ELMO1: variants seen among roughly 807,000 people sequenced by gnomAD.
ELMO1 encodes engulfment and cell motility 1, also known as engulfment and cell motility protein 1.
Under a neutral mutation model 98.9 loss-of-function variants are expected in ELMO1, and 26 were observed. The observed-to-expected ratio is 0.26, with a 90% CI of 0.19 to 0.36. ELMO1 has a LOEUF of 0.36. Among genes scored for constraint, ELMO1 ranks in the 10% least tolerant of loss-of-function variants. The pLI is 1.00. For synonymous variants in ELMO1, 346 were observed against 346.0 expected (o/e 1.00, Z 0.00); for missense variants, 627 against 935.2 (o/e 0.67, Z 4.30).
chr7:36,951,743 C>T (rs565350018), intron 16 of ELMO1, among the ~76,000 whole-genome samples: 1 of 152,328 alleles, frequency 6.6e-6, no homozygotes, highest in South Asian at 2.1e-4. Context: ...GTTGACTTCA[C>T]AGCACTTCTT....
At chr7:37,235,087 C>T (rs1362474403) in intron 7 of ELMO1, among the ~76,000 whole-genome samples, 1 of 152,118 alleles carries the variant, frequency 6.6e-6, no homozygotes, top group African/African-American at 2.4e-5. Flanking sequence ...CCAGACAACA[C>T]AAACTTATTT....
At chr7:37,442,065 G>A (rs1367545973) in intron 1 of ELMO1, among the ~76,000 whole-genome samples, 1 of 152,122 alleles carries the variant, frequency 6.6e-6, no homozygotes, top group African/African-American at 2.4e-5. Flanking sequence ...AAAATTGATA[G>A]GACAATCTGC....
At chr7:37,103,083 C>T (rs1784726151) in intron 14 of ELMO1, among the ~76,000 whole-genome samples, 1 of 152,144 alleles carries the variant, frequency 6.6e-6, no homozygotes, top group Non-Finnish European at 1.5e-5. Flanking sequence ...AATGGGAAAG[C>T]AAAATGGAAG....
chr7:37,397,271 TTTC>T (rs1357714985), intron 1 of ELMO1, among the ~76,000 whole-genome samples: 28 of 152,382 alleles, frequency 1.8e-4, no homozygotes, highest in African/African-American at 6.3e-4. Flanking sequence ...GTCATTTCCC[TTTC>T]TTCTCTTTTG....
chr7:37,244,550 A>C (rs148410359), intron 6 of ELMO1, among the ~76,000 whole-genome samples, 159 bp from the exon 7 acceptor site: 66 of 152,344 alleles, frequency 4.3e-4, no homozygotes, highest in South Asian at 2.3e-3. Context: ...ATTCAAAGTA[A>C]TAAACTGGTG....
chr7:37,279,746 C>A (rs1797043758), intron 4 of ELMO1, among the ~76,000 whole-genome samples: 1 of 152,172 alleles, frequency 6.6e-6, no homozygotes, highest in Non-Finnish European at 1.5e-5. Context: ...GGGAGGGTGG[C>A]CAGTGGAGCA....
At chr7:37,055,312 T>A (rs948458116) in intron 15 of ELMO1, among the ~76,000 whole-genome samples, 13 of 152,186 alleles carry the variant, frequency 8.5e-5, no homozygotes, top group African/African-American at 3.1e-4. Context: ...TCTAACAACT[T>A]AGGAGTCCTG....
intron 1 of ELMO1, among the ~76,000 whole-genome samples, chr7:37,423,115 G>A (rs942121733): frequency 6.6e-6 from 1 of 152,182 alleles, no homozygotes; most frequent in African/African-American, 2.4e-5. Flanking sequence ...TGTCTTCTGT[G>A]TTACAGGTTA....
intron 1 of ELMO1, among the ~76,000 whole-genome samples, chr7:37,384,048 C>T (rs963654393): frequency 3.3e-5 from 5 of 152,286 alleles, no homozygotes; most frequent in African/African-American, 1.2e-4. Context: ...ATCTCCTGAC[C>T]TCGTGATCCA....
intron 1 of ELMO1, among the ~76,000 whole-genome samples, chr7:37,376,180 C>A (rs1802336875): frequency 6.6e-6 from 1 of 152,186 alleles, no homozygotes. Context: ...TACCTTTGAT[C>A]ACAGACCTGA....
intron 1 of ELMO1, among the ~76,000 whole-genome samples, chr7:37,418,530 G>A (rs1349176140): frequency 2.0e-5 from 3 of 152,188 alleles, no homozygotes; most frequent in Non-Finnish European, 4.4e-5. Flanking sequence ...ATCTGCCCAG[G>A]CCCCTGGGGT....
intron 16 of ELMO1, among the ~76,000 whole-genome samples, chr7:36,931,498 G>C (rs1786032360): frequency 6.6e-6 from 1 of 152,220 alleles, no homozygotes; most frequent in African/African-American, 2.4e-5. Context: ...CTACTGGGGA[G>C]GTTGAGGCGT....
chr7:36,853,310 C>T lies in ELMO1; in HGVS notation c.*2241G>A, dbSNP rs922024468. ...GCTGGAGTGCCAGAAGAGAGAGGGG[C>T]TGGATCTCCCCAACCAAGGTCACAG... On this transcript the variant is annotated 3_prime_UTR_variant, in exon 22 of 22. Transcript: ENST00000310758. Among the ~76,000 whole-genome samples the T allele has an allele frequency of 4.6e-5, 7 of 152,178 alleles. No individual in the cohort carries two copies. Among genetic ancestry groups the T allele is most frequent in the African/African-American group, 1.7e-4 (7 of 41,444 alleles).
intron 10 of ELMO1, among the ~76,000 whole-genome samples, chr7:37,218,061 T>C (rs1409206085): frequency 1.3e-5 from 2 of 152,216 alleles, no homozygotes; most frequent in Admixed American, 6.5e-5. Context: ...CAGGGCTTTC[T>C]TGCTGATCTT....
At chr7:36,949,911 C>T (rs1258833226) in intron 16 of ELMO1, among the ~76,000 whole-genome samples, 2 of 152,212 alleles carry the variant, frequency 1.3e-5, no homozygotes, top group Non-Finnish European at 2.9e-5. Flanking sequence ...ACAATGCAAA[C>T]ATCTTTCCAA....
At chr7:37,415,632 C>T (rs560763046) in intron 1 of ELMO1, among the ~76,000 whole-genome samples, 3 of 152,144 alleles carry the variant, frequency 2.0e-5, no homozygotes, top group Non-Finnish European at 4.4e-5. Context: ...AATAAAGGTA[C>T]AACAGATGTT....
intron 1 of ELMO1, chr7:37,376,114 T>C: frequency 3.1e-6 from 1 of 325,920 alleles, no homozygotes; most frequent in Non-Finnish European, 6.0e-6. Context: ...AAACACTGAT[T>C]CTTACAGCTC....
chr7:36,897,349 T>TGTGTGTGA (rs1370708472), intron 16 of ELMO1, among the ~76,000 whole-genome samples: 6 of 151,622 alleles, frequency 4.0e-5, no homozygotes, highest in Admixed American at 2.0e-4. Flanking sequence ...TGTGTGTGTG[T>TGTGTGTGA]GAAAGAGTGT....
Position 37,342,007 on chromosome 7 carries a change from A to G in ELMO1, c.78+606T>C, listed in dbSNP as rs1034074229. 6.6e-6 allele frequency among the ~76,000 whole-genome samples: 1 copy of G among 152,216 alleles called. No homozygotes were observed. The highest frequency in any genetic ancestry group is 2.4e-5 in the African/African-American group (1 of 41,458). On this transcript the variant is annotated intron_variant, in intron 2 of 21. Coordinates refer to ENST00000310758, the MANE Select transcript of ELMO1 (RefSeq NM_014800.11). The surrounding 1 kb of genome is among the most constrained non-coding windows in gnomAD (Gnocchi z 4.3). ...AGTTAAAGGATGCCTTTATGGGTCA[A>G]GCCACTTTTATAAGTCTTCTTGATA... is the stretch of plus-strand genomic sequence containing the variant.
Sources: allele counts gnomAD v4.1 joint callset (sites outside exome capture counted in the v4.1 genomes callset), GRCh38; gene constraint gnomAD v4.1.1; non-coding constraint Gnocchi (gnomAD v3.1); transcripts MANE v1.5; gene names NCBI Gene and HGNC (gene_info 2026-07-23, HGNC 2026-07-21).